ZNF385B: variants seen among roughly 807,000 people sequenced by gnomAD.
ZNF385B encodes the protein zinc finger protein 385B.
A neutral mutation model predicts 39.2 loss-of-function variants in ZNF385B; 23 were observed. The observed-to-expected ratio is 0.59, with a 90% CI of 0.42 to 0.83. The LOEUF (loss-of-function observed/expected upper bound fraction) is 0.83. Among genes scored for constraint, ZNF385B ranks in the 40% least tolerant of loss-of-function variants. The probability of loss-of-function intolerance (pLI) is 0.00; values close to 1 mark genes in which losing one functional copy is unlikely to be tolerated. For missense variants in ZNF385B, 552 were observed against 598.9 expected (o/e 0.92, Z 0.82); for synonymous variants, 205 against 222.6 (o/e 0.92, Z 0.70).
chr2:179,736,077 T>C (rs1023267819), intron 3 of ZNF385B, among the ~76,000 whole-genome samples: 1 of 152,144 alleles, frequency 6.6e-6, no homozygotes, highest in Non-Finnish European at 1.5e-5. Flanking sequence ...ATTATTTTTA[T>C]GTAAATATAT....
chr2:179,513,322 G>C (rs1463288632), intron 5 of ZNF385B, among the ~76,000 whole-genome samples: 1 of 152,188 alleles, frequency 6.6e-6, no homozygotes, highest in Admixed American at 6.5e-5. Flanking sequence ...TGTCACATTT[G>C]TGAATTTGCC....
Position 179,445,885 on chromosome 2 carries a change from T to TA in ZNF385B, c.962-158dup, listed in dbSNP as rs567574901. Among the ~76,000 whole-genome samples the TA allele has an allele frequency of 1.6e-3, 242 of 151,830 alleles. 2 individuals carry two copies. The highest frequency in any genetic ancestry group is 5.0e-3 in the African/African-American group (208 of 41,478). ...TGATTTTAAATTTAACACGTTATTG[T>TA]AAAAAATGGAAAAATGTAAGCGTAT... On this transcript the variant is annotated intron_variant, in intron 7 of 9. Coordinates refer to ENST00000410066, the MANE Select transcript of ZNF385B (RefSeq NM_152520.6).
chr2:179,795,586 T>C (rs1258008889), intron 1 of ZNF385B, among the ~76,000 whole-genome samples: 3 of 152,122 alleles, frequency 2.0e-5, no homozygotes, highest in Non-Finnish European at 2.9e-5. Flanking sequence ...AGTCTAGATA[T>C]ATCTAAAGAT....
chr2:179,493,181 T>C (rs2055429750), intron 5 of ZNF385B, among the ~76,000 whole-genome samples: 1 of 152,092 alleles, frequency 6.6e-6, no homozygotes, highest in Non-Finnish European at 1.5e-5. Context: ...TGAATTGTTT[T>C]AATTCAACTC....
At position 179,853,002 on chromosome 2, in the gene ZNF385B, A is replaced by G. The variant is rs114531095; in HGVS notation, c.-155+8099T>C. ...TTTGAGTCTTAAATATTTTACTCCTATGAAAGTTAGATTGACCCTTAAGAA... is the reference window on the plus strand; with the variant it reads ...TTTGAGTCTTAAATATTTTACTCCTGTGAAAGTTAGATTGACCCTTAAGAA... On this transcript the variant is annotated intron_variant, in intron 1 of 9. Coordinates refer to ENST00000410066, the MANE Select transcript of ZNF385B (RefSeq NM_152520.6). Among the ~76,000 whole-genome samples the G allele has an allele frequency of 7.8e-3, 1,189 of 152,316 alleles. 11 individuals carry two copies. Among genetic ancestry groups the G allele is most frequent in the African/African-American group, 0.027 (1,116 of 41,574 alleles).
intron 3 of ZNF385B, among the ~76,000 whole-genome samples, chr2:179,745,269 T>A (rs1702310910): frequency 6.6e-6 from 1 of 152,142 alleles, no homozygotes; most frequent in Non-Finnish European, 1.5e-5. Context: ...TTCTTAGTTA[T>A]CTCGAAACAT....
intron 5 of ZNF385B, among the ~76,000 whole-genome samples, chr2:179,487,078 A>G (rs757714554): frequency 6.6e-6 from 1 of 152,252 alleles, no homozygotes; most frequent in Non-Finnish European, 1.5e-5. Context: ...ATGGTTCTCT[A>G]AATAAAACCT....
At chr2:179,843,862 A>G (rs1708669377) in intron 1 of ZNF385B, among the ~76,000 whole-genome samples, 1 of 152,226 alleles carries the variant, frequency 6.6e-6, no homozygotes, top group African/African-American at 2.4e-5. Context: ...AATTTTATCT[A>G]CTTTGAGGGG....
rs540988587 is a variant in ZNF385B at position 179,524,509 on chromosome 2, G to A, written c.442-5871C>T. Among the ~76,000 whole-genome samples, 43 of 129,836 alleles carry A rather than the reference G, an allele frequency of 3.3e-4. 1 individual carries two copies. In the South Asian group the frequency reaches 0.011, roughly 33 times the overall value. The allele number at this position is 129,836 out of a possible 152,430, so 85.2% of individuals were successfully genotyped here. A position where few individuals can be genotyped will look rare whatever the true frequency, so the allele number is the denominator to read the frequency against. On this transcript the variant is annotated intron_variant, in intron 4 of 9. Coordinates refer to ENST00000410066, the MANE Select transcript of ZNF385B (RefSeq NM_152520.6). ...AGAGCTTGCAGTGAGCCGAGATCGTGCCACTGCCGTCCAGCCTGGGTGACA... is the reference window on the plus strand; with the variant it reads ...AGAGCTTGCAGTGAGCCGAGATCGTACCACTGCCGTCCAGCCTGGGTGACA...
intron 1 of ZNF385B, chr2:179,814,531 T>C: frequency 1.3e-6 from 1 of 754,086 alleles, no homozygotes. Flanking sequence ...ATGGTTGTCT[T>C]GGGGACTGGC....
intron 5 of ZNF385B, among the ~76,000 whole-genome samples, chr2:179,505,229 T>C (rs9288034): frequency 0.23 from 34,282 of 151,804 alleles, 4,771 homozygotes; most frequent in East Asian, 0.4. Flanking sequence ...AACTTTTGTA[T>C]ACTGAAAAGG....
At chr2:179,645,822 T>C (rs1212602977) in intron 3 of ZNF385B, among the ~76,000 whole-genome samples, 1 of 152,204 alleles carries the variant, frequency 6.6e-6, no homozygotes, top group Non-Finnish European at 1.5e-5. Context: ...GCCTGTGCCC[T>C]GTTTTCCTGA....
intron 6 of ZNF385B, among the ~76,000 whole-genome samples, chr2:179,480,249 G>A (rs544544466): frequency 6.6e-6 from 1 of 152,274 alleles, no homozygotes; most frequent in South Asian, 2.1e-4. Flanking sequence ...ATTTGCAAGT[G>A]AGCCATGAAT....
At chr2:179,582,295 C>T (rs1017561551) in intron 3 of ZNF385B, among the ~76,000 whole-genome samples, 3 of 152,194 alleles carry the variant, frequency 2.0e-5, no homozygotes, top group African/African-American at 7.2e-5. Context: ...ATTAGTGCTA[C>T]AGACCCTTAT....
intron 3 of ZNF385B, among the ~76,000 whole-genome samples, chr2:179,564,438 T>C (rs963247485): frequency 1.3e-5 from 2 of 152,178 alleles, no homozygotes; most frequent in African/African-American, 4.8e-5. Context: ...AGTTAGTTAA[T>C]ACAGCCCGCC....
At position 179,749,390 on chromosome 2, in the gene ZNF385B, T is replaced by C. The variant is rs16866977; in HGVS notation, c.298+20113A>G. Among the ~76,000 whole-genome samples, 1,086 of 152,152 alleles carry C rather than the reference T, an allele frequency of 7.1e-3. 11 individuals are homozygous for C. The highest frequency in any genetic ancestry group is 0.025 in the African/African-American group (1,046 of 41,522). On this transcript the variant is annotated intron_variant, in intron 3 of 9. Coordinates refer to ENST00000410066, the MANE Select transcript of ZNF385B (RefSeq NM_152520.6). ...GCCCTTCCACCTCCTCCAAACTCCA[T>C]GTAATCAGAAGAGCAAATATGTTTC...
At chr2:179,459,588 AGTGTGTGTGTGT>A (rs3053314) in intron 6 of ZNF385B, among the ~76,000 whole-genome samples, 1 of 145,940 alleles carries the variant, frequency 6.9e-6, no homozygotes, top group Non-Finnish European at 1.5e-5. Flanking sequence ...AGAGAAAATA[AGTGTGTGTGTGT>A]GTGTGTGTGT....
intron 3 of ZNF385B, among the ~76,000 whole-genome samples, chr2:179,764,342 T>C (rs1443694090): frequency 6.6e-6 from 1 of 152,164 alleles, no homozygotes; most frequent in Non-Finnish European, 1.5e-5. Flanking sequence ...ATACCTCTTA[T>C]TGATTTTGAA....
chr2:179,470,483 G>T (rs1198606352), intron 6 of ZNF385B, among the ~76,000 whole-genome samples: 1 of 150,088 alleles, frequency 6.7e-6, no homozygotes, highest in African/African-American at 2.5e-5. Context: ...GATATGGTTT[G>T]GCCCCCCCGG....
Sources: allele counts gnomAD v4.1 joint callset (sites outside exome capture counted in the v4.1 genomes callset), GRCh38; gene constraint gnomAD v4.1.1; transcripts MANE v1.5; gene names NCBI Gene and HGNC (gene_info 2026-07-23, HGNC 2026-07-21).